Variants in ACOT11 observed in about 807,000 individuals in gnomAD.
ACOT11 encodes acyl-CoA thioesterase 11.
A neutral mutation model predicts 77.5 loss-of-function variants in ACOT11; 69 were observed. The observed-to-expected ratio is 0.89, with a 90% CI of 0.73 to 1.09. The LOEUF is 1.09. ACOT11 is among the 50% of genes least tolerant of loss of function. The pLI is 0.00. For missense variants in ACOT11, 766 were observed against 813.7 expected (o/e 0.94, Z 0.71); for synonymous variants, 279 against 313.0 (o/e 0.89, Z 1.15).
At chr1:54,554,335 A>G (rs367929790) in intron 1 of ACOT11, among the ~76,000 whole-genome samples, 5,493 of 58,952 alleles carry the variant, frequency 0.093, 214 homozygotes, top group East Asian at 0.19. Flanking sequence ...GTGTGTGTGT[A>G]TATATATATA....
rs1045133408 is a variant in ACOT11 at position 54,609,038 on chromosome 1, A to G, written c.1711A>G (p.Thr571Ala). 1.2e-6 allele frequency: 2 copies of G among 1,613,854 alleles called. No individual in the cohort carries two copies. The highest frequency in any genetic ancestry group is 2.2e-5 in the South Asian group (2 of 91,066). The change falls in exon 16 of 16, where the codon ACC (threonine) becomes GCC (alanine). Residue 571 changes from threonine (T) to alanine (A), a missense_variant. Physicochemically the swap from Thr to Ala is moderately conservative, Grantham distance 58. Coordinates refer to ENST00000343744, the MANE Select transcript of ACOT11 (RefSeq NM_147161.4). ...NVAGLSSEFY[T>A]TFKACEQFLL... ...GGCCGGCCTCTCCTCTGAGTTCTAC[A>G]CCACCTTCAAGGCTTGTGAGCAGTT...
chr1:54,610,832 A>G (rs1557669126), downstream of ACOT11: 2 of 985,418 alleles, frequency 2.0e-6, no homozygotes, highest in Non-Finnish European at 2.4e-6. Flanking sequence ...GGTGGCTCCC[A>G]TGGCAGGAAT....
chr1:54,638,549 G>T (rs958486709), exon 17 of ACOT11: 3 of 152,122 alleles, frequency 2.0e-5, no homozygotes, highest in Non-Finnish European at 2.9e-5. Flanking sequence ...GTGGAGATGG[G>T]GTTTCACTGT....
intron 16 of ACOT11, among the ~76,000 whole-genome samples, chr1:54,633,824 C>T (rs189425633): frequency 2.0e-5 from 3 of 152,282 alleles, no homozygotes; most frequent in South Asian, 2.1e-4. Context: ...TCTCACTAGC[C>T]CTCGGCAATT....
At chr1:54,554,001 C>T (rs572724025) in intron 1 of ACOT11, among the ~76,000 whole-genome samples, 5 of 152,112 alleles carry the variant, frequency 3.3e-5, no homozygotes, top group African/African-American at 9.6e-5. Context: ...TGGCAAAACC[C>T]GATCTCTACA....
At chr1:54,574,736 A>G (rs1289569761) in intron 1 of ACOT11, among the ~76,000 whole-genome samples, 1 of 152,148 alleles carries the variant, frequency 6.6e-6, no homozygotes, top group Non-Finnish European at 1.5e-5. Context: ...ACCTGTCTCA[A>G]GAACCCACTG....
chr1:54,629,763 G>A (rs1307566667), intron 15 of ACOT11, among the ~76,000 whole-genome samples: 8 of 133,388 alleles, frequency 6.0e-5, no homozygotes, highest in African/African-American at 2.0e-4. Context: ...TTTTTTGTGT[G>A]TGGAGATAGG....
At chr1:54,619,737 C>G in intron 15 of ACOT11, 1 of 973,828 alleles carries the variant, frequency 1.0e-6, no homozygotes, top group South Asian at 1.6e-5. Context: ...CCCCTATTTC[C>G]TCATGCTGAA....
Position 54,585,966 on chromosome 1 carries a change from C to T in ACOT11, c.311+62C>T, listed in dbSNP as rs140936265. 6.7e-4 allele frequency: 1,034 copies of T among 1,551,996 alleles called. 6 individuals carry two copies. The African/African-American group carries it at 0.01, about 15-fold the overall frequency. On this transcript the variant is annotated intron_variant, in intron 3 of 15. Transcript: ENST00000343744. ...CCCTCCCATCAGCCTGGGGCCTGTC[C>T]TCCTGACTCCCTGCCTGGTCAGCGT...
chr1:54,577,406 A>G (rs1313769062), intron 1 of ACOT11, among the ~76,000 whole-genome samples: 1 of 152,166 alleles, frequency 6.6e-6, no homozygotes, highest in African/African-American at 2.4e-5. Context: ...TGTTTCTGGT[A>G]TGTTTCACTT....
At chr1:54,587,290 G>A (rs138492671) in intron 3 of ACOT11, among the ~76,000 whole-genome samples, 2 of 152,122 alleles carry the variant, frequency 1.3e-5, no homozygotes, top group African/African-American at 2.4e-5. Context: ...CTACGCGGGT[G>A]GATCACGAGG....
Position 54,603,889 on chromosome 1 carries a change from TA to T in ACOT11, c.1106del (p.Lys369SerfsTer19), listed in dbSNP as rs540044182. 6.2e-7 allele frequency: 1 copy of T among 1,614,092 alleles called. No homozygotes were observed. The highest frequency in any genetic ancestry group is 1.1e-5 in the South Asian group (1 of 91,086). On this transcript the variant is annotated frameshift_variant, in exon 11 of 16. Coordinates refer to ENST00000343744, the MANE Select transcript of ACOT11 (RefSeq NM_147161.4). LOFTEE classifies it high-confidence loss of function. ...RLDRKYIVSC[K>X]QTEVPLSVPW... ...TTCCCAGGAAGTACATCGTGTCCTG[TA>T]AGCAGACAGAGGTGCCCCTCTCCGT...
chr1:54,612,272 G>A (rs560449495), downstream of ACOT11, among the ~76,000 whole-genome samples: 1 of 151,954 alleles, frequency 6.6e-6, no homozygotes, highest in East Asian at 2.0e-4. Context: ...AGAGGGCAGA[G>A]AATTACCCAC....
At chr1:54,589,217 A>G (rs1246718218) in intron 3 of ACOT11, among the ~76,000 whole-genome samples, 1 of 151,304 alleles carries the variant, frequency 6.6e-6, no homozygotes, top group Non-Finnish European at 1.5e-5. Context: ...GGGTTTCACC[A>G]TATTGATCAG....
chr1:54,636,107 G>A (rs1569822936), exon 17 of ACOT11: 2 of 152,362 alleles, frequency 1.3e-5, no homozygotes, highest in South Asian at 2.1e-4. Context: ...GCTAATGACT[G>A]GTTTGCTGTT....
chr1:54,608,546 C>T (rs1463348916), intron 15 of ACOT11, among the ~76,000 whole-genome samples: 3 of 152,146 alleles, frequency 2.0e-5, no homozygotes, highest in Non-Finnish European at 2.9e-5. Flanking sequence ...AGCAGAGACT[C>T]AGCCGGTGTT....
intron 1 of ACOT11, among the ~76,000 whole-genome samples, chr1:54,556,698 C>G (rs897486008): frequency 6.6e-6 from 1 of 152,000 alleles, no homozygotes; most frequent in African/African-American, 2.4e-5. Flanking sequence ...TCTTCTCCCT[C>G]AGTCCCCCGA....
Position 54,610,282 on chromosome 1 carries a change from A to C in ACOT11, c.*1170A>C. 1 of 1,508,952 alleles carries C rather than the reference A, an allele frequency of 6.6e-7. No individual in the cohort carries two copies. Among genetic ancestry groups the C allele is most frequent in the Non-Finnish European group, 8.8e-7 (1 of 1,134,038 alleles). 93.5% of individuals were successfully genotyped at this position (1,508,952 alleles called of 1,614,324 possible). A position where few individuals can be genotyped will look rare whatever the true frequency, so the allele number is the denominator to read the frequency against. On this transcript the variant is annotated 3_prime_UTR_variant, in exon 16 of 16. Transcript: ENST00000343744. The stretch of plus-strand genomic sequence containing the variant: ...CTCTCCCTCCCCGCAACCCTGCCCC[A>C]CCTTGCATCCAGGGTATGGTGTAAA...
chr1:54,588,212 TA>T (rs1179736541), intron 3 of ACOT11, among the ~76,000 whole-genome samples: 1 of 151,872 alleles, frequency 6.6e-6, no homozygotes, highest in South Asian at 2.1e-4. Context: ...TCAGGATAAA[TA>T]AAAAAATAAA....
Sources: gnomAD v4.1 joint callset for allele counts (sites outside exome capture counted in the v4.1 genomes callset) on GRCh38, gnomAD v4.1.1 for gene constraint, MANE v1.5 for transcripts, NCBI Gene and HGNC (gene_info 2026-07-23, HGNC 2026-07-21) for gene names.